Variants in ANAPC16 observed in about 807,000 individuals in gnomAD.
ANAPC16 encodes the protein anaphase promoting complex subunit 16.
Under a neutral mutation model 13.1 loss-of-function variants are expected in ANAPC16, and 6 were observed. That is an observed-to-expected ratio of 0.46 (90% CI 0.25 to 0.90). The LOEUF (loss-of-function observed/expected upper bound fraction) is 0.90, where lower values mean the gene tolerates loss of function less well. ANAPC16 is among the 40% of genes least tolerant of loss of function. The pLI, the probability that ANAPC16 is intolerant of heterozygous loss-of-function variation, is 0.18. For missense variants in ANAPC16, 113 were observed against 131.1 expected, an observed-to-expected ratio of 0.86 and a Z score of 0.67; for synonymous variants, 55 against 51.3, an observed-to-expected ratio of 1.07 and a Z score of -0.31.
intron 1 of ANAPC16, 39 bp from the exon 2 acceptor site, chr10:72,223,849 T>G: frequency 7.0e-7 from 1 of 1,428,670 alleles, no homozygotes; most frequent in Non-Finnish European, 9.5e-7. Context: ...CACTCTCACT[T>G]CCATAAACTT....
intron 1 of ANAPC16, chr10:72,217,136 C>T (rs1407749500): frequency 6.8e-6 from 3 of 441,844 alleles, no homozygotes; most frequent in Non-Finnish European, 1.4e-5. Flanking sequence ...GGTAGAAAGA[C>T]TTTTCGAAGG....
chr10:72,216,595 T>G lies in ANAPC16; in HGVS notation c.-28+457T>G, dbSNP rs183439160. Among the ~76,000 whole-genome samples the G allele has an allele frequency of 5.0e-4, 76 of 152,116 alleles. No homozygotes were observed. The East Asian group carries it at 0.014, about 27-fold the overall frequency. ...AATTTAATGATTACTTGTAATAATT[T>G]GCCTTTGTACTAGGGTAGGAACTTT... On this transcript the variant is annotated intron_variant, in intron 1 of 3. Coordinates refer to ENST00000299381, the MANE Select transcript of ANAPC16 (RefSeq NM_173473.4).
At chr10:72,225,771 G>A (rs566023667) in intron 2 of ANAPC16, among the ~76,000 whole-genome samples, 1 of 151,688 alleles carries the variant, frequency 6.6e-6, no homozygotes, top group Non-Finnish European at 1.5e-5. Flanking sequence ...ATGTGGTGGC[G>A]CATGCCTGTA....
At chr10:72,217,235 G>T (rs1859509825) in intron 1 of ANAPC16, 1 of 356,402 alleles carries the variant, frequency 2.8e-6, no homozygotes, top group African/African-American at 2.1e-5. Flanking sequence ...AGCACTTTGG[G>T]AGGCCGAGGC....
rs1426890377 is a variant in ANAPC16, at chr10:72,218,164, AAATATATATATATATATATATATAT to A, written c.-28+2028_-28+2052del. Among the ~76,000 whole-genome samples, 13 of 22,074 alleles carry A rather than the reference AAATATATATATATATATATATATAT, an allele frequency of 5.9e-4. 1 individual carries two copies. Among genetic ancestry groups the A allele is most frequent in the African/African-American group, 1.4e-3 (8 of 5,550 alleles). The allele number at this position is 22,074 out of a possible 152,430, so 14.5% of individuals were successfully genotyped here. ...CTGTCTCAAAAAAAAAAAAAAAAAA[AAATATATATATATATATATATATAT>A]ATATATATATATATATATATATATA... On this transcript the variant is annotated intron_variant, in intron 1 of 3. Coordinates refer to ENST00000299381, the MANE Select transcript of ANAPC16 (RefSeq NM_173473.4).
chr10:72,232,202 A>AG lies in ANAPC16; in HGVS notation c.218-799_218-798insG, dbSNP rs200566138. On this transcript the variant is annotated intron_variant, in intron 3 of 3. Transcript: ENST00000299381. ...ACTCTGTCTCAAAAAAAAAAAAAAA[A>AG]AAAAAAAAAAATTAAGCTTCTGACC... Among the ~76,000 whole-genome samples the AG allele has an allele frequency of 6.1e-4, 85 of 138,248 alleles. 2 individuals are homozygous for AG. Among genetic ancestry groups the AG allele is most frequent in the Middle Eastern group, 4.0e-3 (1 of 250 alleles). The allele number at this position is 138,248 out of a possible 152,430, so 90.7% of individuals were successfully genotyped here.
intron 1 of ANAPC16, chr10:72,217,046 T>C (rs975402669): frequency 2.2e-6 from 1 of 454,222 alleles, no homozygotes; most frequent in Admixed American, 2.3e-5. Context: ...CTGTCGTTTG[T>C]TCATCATTCA....
At chr10:72,220,889 A>G (rs1468282245) in intron 1 of ANAPC16, 3 of 149,472 alleles carry the variant, frequency 2.0e-5, no homozygotes, top group Non-Finnish European at 3.0e-5. Context: ...CTCTCTGACC[A>G]TTATAGAGGG....
At chr10:72,230,097 C>G (rs1860249022) in intron 2 of ANAPC16, among the ~76,000 whole-genome samples, 1 of 152,098 alleles carries the variant, frequency 6.6e-6, no homozygotes, top group African/African-American at 2.4e-5. Context: ...AAGTGTTGAC[C>G]AGGACATCAG....
chr10:72,218,218 A>G lies in ANAPC16; in HGVS notation c.-28+2080A>G, dbSNP rs865996793. On this transcript the variant is annotated intron_variant, in intron 1 of 3. Coordinates refer to ENST00000299381, the MANE Select transcript of ANAPC16 (RefSeq NM_173473.4). ...TATATATATATATATATATATATATATGCCGGAGGTTGCAATTTTTTACAT... is the reference window on the plus strand; with the variant it reads ...TATATATATATATATATATATATATGTGCCGGAGGTTGCAATTTTTTACAT... Among the ~76,000 whole-genome samples, 493 of 99,308 alleles carry G rather than the reference A, an allele frequency of 5.0e-3. 9 individuals are homozygous for G. Among genetic ancestry groups the G allele is most frequent in the African/African-American group, 0.018 (461 of 26,244 alleles). 65.1% of individuals were successfully genotyped at this position (99,308 alleles called of 152,430 possible). A position where few individuals can be genotyped will look rare whatever the true frequency, so the allele number is the denominator to read the frequency against.
chr10:72,231,374 A>C (rs1860296892), intron 3 of ANAPC16, among the ~76,000 whole-genome samples: 1 of 151,876 alleles, frequency 6.6e-6, no homozygotes, highest in Admixed American at 6.6e-5. Context: ...CCCATATCTA[A>C]AAAAAGAAAA....
chr10:72,225,879 G>A (rs1003415279), intron 2 of ANAPC16, among the ~76,000 whole-genome samples: 1 of 148,470 alleles, frequency 6.7e-6, no homozygotes, highest in Non-Finnish European at 1.5e-5. Flanking sequence ...CCAGGCTGGT[G>A]ACAGAGCAAG....
At chr10:72,221,799 G>GGCTTAC (rs1345064133) in intron 1 of ANAPC16, among the ~76,000 whole-genome samples, 1 of 143,024 alleles carries the variant, frequency 7.0e-6, no homozygotes, top group Non-Finnish European at 1.5e-5. Flanking sequence ...GTGCAGTCTT[G>GGCTTAC]GCTTACTGCA....
chr10:72,218,509 C>G (rs1415832527), intron 1 of ANAPC16, among the ~76,000 whole-genome samples: 1 of 152,000 alleles, frequency 6.6e-6, no homozygotes, highest in East Asian at 1.9e-4. Flanking sequence ...GTCTCTACAC[C>G]TCAGTTTTAT....
intron 1 of ANAPC16, among the ~76,000 whole-genome samples, chr10:72,221,964 G>A (rs1182850163): frequency 6.7e-6 from 1 of 149,998 alleles, no homozygotes; most frequent in Non-Finnish European, 1.5e-5. Context: ...TCCTGACCTC[G>A]TGATCCACCC....
At chr10:72,219,689 A>G (rs191271892) in intron 1 of ANAPC16, among the ~76,000 whole-genome samples, 2 of 152,336 alleles carry the variant, frequency 1.3e-5, no homozygotes, top group African/African-American at 4.8e-5. Context: ...GTTAGCCAGG[A>G]TAGTGCCACT....
chr10:72,234,012 T>G lies in ANAPC16; in HGVS notation c.*896T>G, dbSNP rs2133701085. ...TATCTTAATGATATTTAAGTAGTTT[T>G]TTTTTTTTTTTGAGACGAAGTTTTG... On this transcript the variant is annotated 3_prime_UTR_variant, in exon 4 of 4. Transcript: ENST00000299381. 3.3e-5 allele frequency: 5 copies of G among 152,130 alleles called. No individual in the cohort carries two copies. The East Asian group carries it at 9.6e-4, about 29-fold the overall frequency. The allele number at this position is 152,130 out of a possible 1,614,324, so 9.4% of individuals were successfully genotyped here. A position where few individuals can be genotyped will look rare whatever the true frequency, so the allele number is the denominator to read the frequency against.
intron 1 of ANAPC16, among the ~76,000 whole-genome samples, chr10:72,222,310 C>T (rs2133666768): frequency 6.6e-6 from 1 of 151,792 alleles, no homozygotes; most frequent in African/African-American, 2.4e-5. Flanking sequence ...CCCAGCTACT[C>T]AGGAGGTTGA....
intron 1 of ANAPC16, chr10:72,216,357 GTA>G (rs1859320902): frequency 5.9e-6 from 1 of 170,460 alleles, no homozygotes; most frequent in African/African-American, 2.4e-5. Context: ...CGCCGATGGC[GTA>G]GTTTCCTGGG....
Sources: allele counts gnomAD v4.1 joint callset (sites outside exome capture counted in the v4.1 genomes callset), GRCh38; gene constraint gnomAD v4.1.1; transcripts MANE v1.5; gene names NCBI Gene and HGNC (gene_info 2026-07-23, HGNC 2026-07-21).